SLC7A2: variants seen among roughly 807,000 people sequenced by gnomAD.
The protein encoded by SLC7A2 is solute carrier family 7 member 2.
A neutral mutation model predicts 58.9 loss-of-function variants in SLC7A2; 48 were observed. The ratio of observed to expected loss-of-function variants is 0.82; its 90% CI spans 0.65 to 1.04. SLC7A2 has a LOEUF of 1.04. SLC7A2 is among the 50% of genes least tolerant of loss of function. The pLI is 0.00. For synonymous variants in SLC7A2, 363 were observed against 314.5 expected (o/e 1.15, Z -1.63); for missense variants, 1,029 against 818.8 (o/e 1.26, Z -3.13).
intron 8 of SLC7A2, among the ~76,000 whole-genome samples, chr8:17,557,950 C>G (rs1563480617): frequency 6.6e-6 from 1 of 152,138 alleles, no homozygotes; most frequent in African/African-American, 2.4e-5. Context: ...AAAAAAGGAG[C>G]TAGCCAGTAT....
chr8:17,534,493 C>T (rs940981558), intron 2 of SLC7A2, among the ~76,000 whole-genome samples: 1 of 152,030 alleles, frequency 6.6e-6, no homozygotes, highest in Non-Finnish European at 1.5e-5. Flanking sequence ...ACTCAGAGAT[C>T]GAATCTTCAG....
At chr8:17,558,235 T>C (rs1192339554) in intron 8 of SLC7A2, 60 bp from the exon 9 acceptor site, 1 of 1,068,566 alleles carries the variant, frequency 9.4e-7, no homozygotes, top group Non-Finnish European at 1.5e-6. Context: ...TGAACGTTAG[T>C]AACTGTATGG....
At chr8:17,530,599 GTC>G (rs1331666954) in intron 2 of SLC7A2, among the ~76,000 whole-genome samples, 2 of 149,264 alleles carry the variant, frequency 1.3e-5, no homozygotes, top group Non-Finnish European at 3.0e-5. Flanking sequence ...TTGAGACAGG[GTC>G]TCTCTCTGAC....
In SLC7A2 at chr8:17,551,972, C is replaced by T. The variant is rs375984923; in HGVS notation, c.1041C>T (p.Cys347=). 1.5e-5 allele frequency: 24 copies of T among 1,613,808 alleles called. No individual in the cohort carries two copies. Among genetic ancestry groups the T allele is most frequent in the East Asian group, 8.9e-5 (4 of 44,864 alleles). ...ATGTCGTCGCAGCTGGTTCTCTCTGCGCCTTGTCAACAAGGTACATTGCAT... is the reference window on the plus strand; with the variant it reads ...ATGTCGTCGCAGCTGGTTCTCTCTGTGCCTTGTCAACAAGGTACATTGCAT... ...AKYVVAAGSL[C]ALSTSLLGSI... is the part of the protein sequence containing the mutation. Residue 347 remains cysteine (C), a synonymous_variant, in exon 7 of 13, where the codon TGC becomes TGT. Transcript: ENST00000494857.
intron 8 of SLC7A2, 114 bp downstream of exon 8, chr8:17,554,813 C>CT: frequency 1.4e-6 from 2 of 1,452,070 alleles, no homozygotes; most frequent in East Asian, 2.3e-5. Flanking sequence ...AGTTCAGTCA[C>CT]TTTTTTGTGA....
intron 2 of SLC7A2, among the ~76,000 whole-genome samples, chr8:17,502,559 T>C (rs1285806490): frequency 1.3e-5 from 2 of 152,340 alleles, no homozygotes; most frequent in Admixed American, 1.3e-4. Context: ...TTCCATGAAG[T>C]TACGGAGTTG....
chr8:17,546,431 C>T (rs1024601198), intron 4 of SLC7A2, among the ~76,000 whole-genome samples: 3 of 152,158 alleles, frequency 2.0e-5, no homozygotes, highest in East Asian at 1.9e-4. Flanking sequence ...TACGTGAAGC[C>T]GTTGTTTTAC....
In SLC7A2 at chr8:17,564,466, A is replaced by G. The variant is rs576172640; in HGVS notation, c.1781-484A>G. 2.0e-5 allele frequency among the ~76,000 whole-genome samples: 3 copies of G among 152,292 alleles called. No homozygotes were observed. The East Asian group carries it at 5.8e-4, about 29-fold the overall frequency. ...GTGGGGTATCTTACATTTGCATTTC[A>G]TTCTTCTAAAGCAGCGGTCCCCAAC... On this transcript the variant is annotated intron_variant, in intron 12 of 12. Coordinates refer to ENST00000494857, the MANE Select transcript of SLC7A2 (RefSeq NM_001370338.1).
At chr8:17,517,728 T>G (rs1800858599) in intron 2 of SLC7A2, among the ~76,000 whole-genome samples, 1 of 152,188 alleles carries the variant, frequency 6.6e-6, no homozygotes, top group African/African-American at 2.4e-5. Flanking sequence ...TAAAATCTAT[T>G]GGAGATGAAG....
intron 2 of SLC7A2, among the ~76,000 whole-genome samples, chr8:17,523,688 T>C (rs1175151904): frequency 4.6e-5 from 7 of 152,190 alleles, no homozygotes; most frequent in African/African-American, 1.7e-4. Context: ...AAAACCCTTC[T>C]AGACATTGGC....
chr8:17,555,047 C>T (rs1802628623), intron 8 of SLC7A2: 1 of 1,613,916 alleles, frequency 6.2e-7, no homozygotes, highest in East Asian at 2.2e-5. Flanking sequence ...AGGCAGTCAC[C>T]AGTTGCTGCC....
At chr8:17,524,975 C>T (rs771450937) in intron 2 of SLC7A2, among the ~76,000 whole-genome samples, 32 of 152,090 alleles carry the variant, frequency 2.1e-4, no homozygotes, top group Non-Finnish European at 4.6e-4. Context: ...GGGCAAGGGT[C>T]AGGGATGACT....
chr8:17,544,300 C>G (rs1014140767), intron 3 of SLC7A2, 151 bp from the exon 4 acceptor site: 3 of 552,080 alleles, frequency 5.4e-6, no homozygotes, highest in Non-Finnish European at 9.5e-6. Context: ...CATTTGATGA[C>G]TACTGTATGA....
At chr8:17,534,069 C>T (rs2150718538) in intron 2 of SLC7A2, among the ~76,000 whole-genome samples, 1 of 152,298 alleles carries the variant, frequency 6.6e-6, no homozygotes, top group South Asian at 2.1e-4. Context: ...CCAGCTTCAT[C>T]CATGTCCCTG....
chr8:17,558,961 G>A (rs140886396), intron 9 of SLC7A2, among the ~76,000 whole-genome samples: 1 of 152,132 alleles, frequency 6.6e-6, no homozygotes, highest in African/African-American at 2.4e-5. Context: ...TTTTCATGAA[G>A]AAATCATATA....
At chr8:17,522,672 T>A (rs927967837) in intron 2 of SLC7A2, among the ~76,000 whole-genome samples, 7 of 152,128 alleles carry the variant, frequency 4.6e-5, no homozygotes, top group Non-Finnish European at 1.0e-4. Flanking sequence ...TGAAGCATAC[T>A]AGGGTCAAAT....
At chr8:17,500,354 C>G (rs956084213) in intron 1 of SLC7A2, 2 of 152,128 alleles carry the variant, frequency 1.3e-5, no homozygotes, top group Non-Finnish European at 2.9e-5. Flanking sequence ...TTATATTTCC[C>G]TTTTACTTGA....
chr8:17,560,886 A>C (rs915391038), intron 10 of SLC7A2, among the ~76,000 whole-genome samples: 3 of 152,212 alleles, frequency 2.0e-5, no homozygotes, highest in Non-Finnish European at 4.4e-5. Flanking sequence ...CCAATAATAT[A>C]GAAAATCCTT....
At chr8:17,507,904 C>G (rs1237483023) in intron 2 of SLC7A2, among the ~76,000 whole-genome samples, 1 of 152,032 alleles carries the variant, frequency 6.6e-6, no homozygotes, top group Non-Finnish European at 1.5e-5. Context: ...TTTGGATAAG[C>G]TATTTTCGTA....
Sources: allele counts gnomAD v4.1 joint callset (sites outside exome capture counted in the v4.1 genomes callset), GRCh38; gene constraint gnomAD v4.1.1; transcripts MANE v1.5; gene names NCBI Gene and HGNC (gene_info 2026-07-23, HGNC 2026-07-21).